Variants in MIPEP observed in about 807,000 individuals in gnomAD.
MIPEP encodes mitochondrial intermediate peptidase.
In MIPEP, 79 loss-of-function variants were observed where a neutral mutation model predicts 90.3. That is an observed-to-expected ratio of 0.87 (90% CI 0.73 to 1.05). The LOEUF (loss-of-function observed/expected upper bound fraction) is 1.05, where lower values mean the gene tolerates loss of function less well. Ranked by LOEUF, MIPEP falls within the 50% of genes least tolerant of loss-of-function variation. MIPEP has a pLI of 0.00. For synonymous variants in MIPEP, 334 were observed against 315.8 expected (o/e 1.06, Z -0.61); for missense variants, 940 against 905.6 (o/e 1.04, Z -0.49).
At chr13:23,836,927 T>C (rs9553075) in intron 13 of MIPEP, among the ~76,000 whole-genome samples, 29,374 of 152,170 alleles carry the variant, frequency 0.19, 3,295 homozygotes, top group Non-Finnish European at 0.25. Flanking sequence ...TCCAAAATAC[T>C]GTGTGTAAAG....
chr13:23,837,636 GAGT>G lies in MIPEP; in HGVS notation c.1456_1458del (p.Thr486del), dbSNP rs1199052972. The G allele has an allele frequency of 2.5e-6, 4 of 1,614,064 alleles. No homozygotes were observed. The highest frequency in any genetic ancestry group is 3.4e-6 in the Non-Finnish European group (4 of 1,179,914). On this transcript the variant is annotated inframe_deletion, in exon 13 of 19. Coordinates refer to ENST00000382172, the MANE Select transcript of MIPEP (RefSeq NM_005932.4). The stretch of plus-strand genomic sequence containing the variant: ...TGGAAAAGATTTTCCATCATGCTAG[GAGT>G]TAGCAAAGTTGGAGAACTCCTTGAG...
Position 23,870,008 on chromosome 13 carries a change from C to G in MIPEP, c.786+5G>C, listed in dbSNP as rs1870712543. 2 of 1,581,074 alleles carry G rather than the reference C, an allele frequency of 1.3e-6. No individual in the cohort carries two copies. On this transcript the variant is annotated splice_donor_5th_base_variant and intron_variant, in intron 6 of 18. Transcript: ENST00000382172. ...TAAACAACAAAGAGAATGAAACATA[C>G]ATACCAAGTCATCTGGTGATTCTGC...
At chr13:23,870,472 A>T (rs1279213471) in intron 5 of MIPEP, among the ~76,000 whole-genome samples, 3 of 152,110 alleles carry the variant, frequency 2.0e-5, no homozygotes. Flanking sequence ...GTTCTATTTT[A>T]TGTCTAGGTT....
At chr13:23,773,597 C>T (rs1952678323) in intron 16 of MIPEP, among the ~76,000 whole-genome samples, 1 of 152,156 alleles carries the variant, frequency 6.6e-6, no homozygotes, top group Admixed American at 6.5e-5. Flanking sequence ...TATGAGGGTT[C>T]CAATTTCTCC....
chr13:23,858,470 CA>C (rs1178186750), intron 10 of MIPEP, among the ~76,000 whole-genome samples: 1,846 of 48,948 alleles, frequency 0.038, 10 homozygotes, highest in African/African-American at 0.07. Context: ...GACTCCGCCT[CA>C]AAAAAAAAAA....
chr13:23,859,762 T>A (rs1870207070), intron 9 of MIPEP, among the ~76,000 whole-genome samples: 1 of 152,228 alleles, frequency 6.6e-6, no homozygotes, highest in African/African-American at 2.4e-5. Flanking sequence ...AAGTAGAATA[T>A]CTGGCATTGA....
At chr13:23,843,992 G>A (rs1454231239) in intron 10 of MIPEP, among the ~76,000 whole-genome samples, 1 of 152,084 alleles carries the variant, frequency 6.6e-6, no homozygotes, top group Non-Finnish European at 1.5e-5. Context: ...AGGAGGGTGA[G>A]GTGCAATGAT....
At chr13:23,744,735 T>C (rs1952365953) in intron 18 of MIPEP, among the ~76,000 whole-genome samples, 1 of 152,242 alleles carries the variant, frequency 6.6e-6, no homozygotes, top group African/African-American at 2.4e-5. Flanking sequence ...GACTCCCTCC[T>C]AGCCATTCAA....
chr13:23,751,553 T>G (rs1952441304), intron 18 of MIPEP, among the ~76,000 whole-genome samples: 1 of 152,264 alleles, frequency 6.6e-6, no homozygotes, highest in Non-Finnish European at 1.5e-5. Flanking sequence ...AGAGAGATTC[T>G]GATTAGAAAG....
intron 5 of MIPEP, among the ~76,000 whole-genome samples, chr13:23,871,497 C>T (rs1443937273): frequency 1.3e-5 from 2 of 152,190 alleles, no homozygotes; most frequent in Non-Finnish European, 2.9e-5. Flanking sequence ...AAAAACTAGA[C>T]AGGCTCCGCA....
At chr13:23,756,924 A>G (rs1212851766) in intron 17 of MIPEP, 7 of 315,268 alleles carry the variant, frequency 2.2e-5, no homozygotes, top group Middle Eastern at 9.7e-4. Flanking sequence ...AGCTGTCCCC[A>G]ATCTTTCTGG....
At chr13:23,759,110 C>A (rs1303630320) in intron 17 of MIPEP, among the ~76,000 whole-genome samples, 1 of 152,204 alleles carries the variant, frequency 6.6e-6, no homozygotes, top group African/African-American at 2.4e-5. Flanking sequence ...ACAACTCTGA[C>A]ACCAGATTAT....
chr13:23,780,986 C>T (rs963825586), intron 16 of MIPEP, among the ~76,000 whole-genome samples: 1 of 152,120 alleles, frequency 6.6e-6, no homozygotes, highest in African/African-American at 2.4e-5. Context: ...GATTGGTGTA[C>T]CTGAAAGTGA....
chr13:23,745,906 G>T (rs1015488928), intron 18 of MIPEP, among the ~76,000 whole-genome samples: 6 of 151,728 alleles, frequency 4.0e-5, no homozygotes, highest in African/African-American at 1.5e-4. Context: ...CTCCAGCCTG[G>T]ATGACAGAGC....
intron 7 of MIPEP, among the ~76,000 whole-genome samples, chr13:23,866,918 A>C (rs561563587): frequency 1.3e-5 from 2 of 152,180 alleles, no homozygotes; most frequent in Admixed American, 6.5e-5. Flanking sequence ...CTCTCTTTCT[A>C]GTTGCTTAGG....
chr13:23,885,736 T>A (rs1439713390), intron 2 of MIPEP, among the ~76,000 whole-genome samples: 12 of 150,602 alleles, frequency 8.0e-5, no homozygotes, highest in African/African-American at 2.7e-4. Flanking sequence ...TGGTTTTTAA[T>A]TAAAAAAAAA....
intron 14 of MIPEP, among the ~76,000 whole-genome samples, chr13:23,824,543 G>A (rs1566007133): frequency 6.6e-6 from 1 of 152,188 alleles, no homozygotes; most frequent in Non-Finnish European, 1.5e-5. Flanking sequence ...ATAAAGCCAG[G>A]CACCAGGCTG....
intron 16 of MIPEP, among the ~76,000 whole-genome samples, chr13:23,777,549 C>T (rs1351778423): frequency 2.0e-5 from 3 of 152,128 alleles, no homozygotes; most frequent in Non-Finnish European, 4.4e-5. Flanking sequence ...CACATGGTTA[C>T]ACAGAATGTT....
intron 14 of MIPEP, among the ~76,000 whole-genome samples, chr13:23,811,285 C>G (rs1953168334): frequency 6.6e-6 from 1 of 152,208 alleles, no homozygotes; most frequent in South Asian, 2.1e-4. Flanking sequence ...AAGAATGACA[C>G]TGAAACCACC....
Sources: allele counts gnomAD v4.1 joint callset (sites outside exome capture counted in the v4.1 genomes callset), GRCh38; gene constraint gnomAD v4.1.1; transcripts MANE v1.5; gene names NCBI Gene and HGNC (gene_info 2026-07-23, HGNC 2026-07-21).